Variants in PCDH15 observed in about 807,000 individuals in gnomAD.
The protein encoded by PCDH15 is protocadherin-15.
PCDH15 carries 129 observed loss-of-function variants against 178.5 expected under a neutral mutation model. The observed-to-expected ratio is 0.72, with a 90% CI of 0.63 to 0.84. The LOEUF (loss-of-function observed/expected upper bound fraction) is 0.84. Among genes scored for constraint, PCDH15 ranks in the 40% least tolerant of loss-of-function variants. PCDH15 has a pLI of 0.00. For missense variants in PCDH15, 2,230 were observed against 2,099.9 expected (o/e 1.06, Z -1.21); for synonymous variants, 800 against 732.0 (o/e 1.09, Z -1.50).
chr10:55,380,083 T>C (rs990939635), intron 2 of PCDH15, among the ~76,000 whole-genome samples: 35 of 152,082 alleles, frequency 2.3e-4, no homozygotes, highest in Non-Finnish European at 5.0e-4. Flanking sequence ...AAAATGACTG[T>C]GATCAGAGCC....
intron 5 of PCDH15, among the ~76,000 whole-genome samples, chr10:54,360,269 T>C (rs1489254883): frequency 1.3e-5 from 2 of 152,138 alleles, no homozygotes; most frequent in Non-Finnish European, 2.9e-5. Context: ...TTCCCCTCCC[T>C]AATTCCCATT....
At chr10:54,279,396 A>AAATATGTAGT (rs1281301353) in intron 8 of PCDH15, among the ~76,000 whole-genome samples, 1 of 151,658 alleles carries the variant, frequency 6.6e-6, no homozygotes, top group African/African-American at 2.4e-5. Flanking sequence ...AATAGTGCAC[A>AAATATGTAGT]AATATGTAGT....
chr10:55,025,325 T>C (rs1270387625), intron 2 of PCDH15, among the ~76,000 whole-genome samples: 1 of 152,198 alleles, frequency 6.6e-6, no homozygotes, highest in Non-Finnish European at 1.5e-5. Context: ...ATGTTCTTCT[T>C]TGTGTTCCCT....
At chr10:54,198,658 C>T (rs1207102276) in intron 10 of PCDH15, among the ~76,000 whole-genome samples, 1 of 121,332 alleles carries the variant, frequency 8.2e-6, no homozygotes, top group Non-Finnish European at 1.6e-5. Flanking sequence ...CCCGCCACTA[C>T]GCCCGGCTAA....
chr10:55,357,661 A>T (rs1845113565), intron 2 of PCDH15, among the ~76,000 whole-genome samples: 1 of 152,040 alleles, frequency 6.6e-6, no homozygotes. Flanking sequence ...TGTAGCATTA[A>T]TTTATTCTAT....
intron 18 of PCDH15, among the ~76,000 whole-genome samples, chr10:54,032,966 A>G (rs764942435): frequency 1.3e-5 from 2 of 151,836 alleles, no homozygotes; most frequent in African/African-American, 2.4e-5. Flanking sequence ...GAACTCACTC[A>G]CTGTCATAAG....
intron 18 of PCDH15, 73 bp downstream of exon 18, chr10:54,066,684 T>G: frequency 1.3e-6 from 2 of 1,491,994 alleles, no homozygotes; most frequent in Non-Finnish European, 1.9e-6. Context: ...GAGTTTCTTT[T>G]GAGAATTAAA....
intron 2 of PCDH15, among the ~76,000 whole-genome samples, chr10:55,584,223 G>A (rs1842679864): frequency 6.6e-6 from 1 of 151,906 alleles, no homozygotes; most frequent in Non-Finnish European, 1.5e-5. Context: ...CAGAGATGAA[G>A]TTTGCCTGAT....
At chr10:55,149,987 G>A (rs759440478) in intron 2 of PCDH15, among the ~76,000 whole-genome samples, 3 of 151,316 alleles carry the variant, frequency 2.0e-5, no homozygotes, top group African/African-American at 4.8e-5. Context: ...CCAACTTGGT[G>A]GGGGAGGGAG....
intron 2 of PCDH15, among the ~76,000 whole-genome samples, chr10:55,059,043 T>TAGAGCTGG (rs1165675623): frequency 6.6e-6 from 1 of 152,210 alleles, no homozygotes; most frequent in African/African-American, 2.4e-5. Flanking sequence ...AATCACGTTC[T>TAGAGCTGG]AGAGCTGGAG....
At position 54,830,828 on chromosome 10, in the gene PCDH15, A is replaced by G. The variant is rs540974979; in HGVS notation, c.-29+66622T>C. Reference sequence around the variant, plus strand: ...AACAGCAAGACATGCCATACATGTCAACACAGAGACAAAAAATATTCTGTA... The same window carrying G: ...AACAGCAAGACATGCCATACATGTCGACACAGAGACAAAAAATATTCTGTA... On this transcript the variant is annotated intron_variant, in intron 3 of 5. Transcript: ENST00000458638. Among the ~76,000 whole-genome samples, 84 of 152,202 alleles carry G rather than the reference A, an allele frequency of 5.5e-4. No homozygotes were observed. In the South Asian group the frequency reaches 0.01, roughly 19 times the overall value.
intron 2 of PCDH15, among the ~76,000 whole-genome samples, chr10:54,940,101 A>C (rs991269978): frequency 6.6e-6 from 1 of 152,092 alleles, no homozygotes. Flanking sequence ...CTTTTTTAAA[A>C]TGTATCAGTG....
intron 2 of PCDH15, among the ~76,000 whole-genome samples, chr10:55,045,700 A>G (rs1290214660): frequency 6.6e-6 from 1 of 152,086 alleles, no homozygotes; most frequent in African/African-American, 2.4e-5. Flanking sequence ...TGTGGCACAT[A>G]CAAATGAAAG....
intron 3 of PCDH15, among the ~76,000 whole-genome samples, chr10:54,854,123 C>G (rs1339580446): frequency 6.6e-6 from 1 of 152,148 alleles, no homozygotes; most frequent in Non-Finnish European, 1.5e-5. Context: ...ACGGGCAGCT[C>G]CTGATGCTAA....
intron 1 of PCDH15, among the ~76,000 whole-genome samples, chr10:54,678,507 G>C (rs2094833433): frequency 6.6e-6 from 1 of 151,880 alleles, no homozygotes; most frequent in Non-Finnish European, 1.5e-5. Flanking sequence ...CTTCCAATGA[G>C]GGTCCTTATA....
intron 1 of PCDH15, among the ~76,000 whole-genome samples, chr10:55,232,813 C>A (rs1478258401): frequency 6.6e-6 from 1 of 152,036 alleles, no homozygotes; most frequent in Admixed American, 6.6e-5. Flanking sequence ...ACGGATCCTG[C>A]CAACAATCAA....
intron 28 of PCDH15, among the ~76,000 whole-genome samples, chr10:53,840,700 G>C (rs187561623): frequency 4.1e-4 from 62 of 152,168 alleles, no homozygotes; most frequent in Non-Finnish European, 8.5e-4. Context: ...AGCTGAATAC[G>C]GTAGAAAAGG....
intron 2 of PCDH15, among the ~76,000 whole-genome samples, chr10:54,623,189 A>T (rs1171876796): frequency 1.3e-5 from 2 of 151,954 alleles, no homozygotes; most frequent in Non-Finnish European, 2.9e-5. Flanking sequence ...TTACAGCCTT[A>T]CTCATCAAAG....
intron 1 of PCDH15, among the ~76,000 whole-genome samples, chr10:54,727,711 A>T (rs1942771634): frequency 6.6e-6 from 1 of 151,454 alleles, no homozygotes; most frequent in East Asian, 1.9e-4. Flanking sequence ...AAAACATGAC[A>T]GAAGATCCAA....
Sources: gnomAD v4.1 joint callset for allele counts (sites outside exome capture counted in the v4.1 genomes callset) on GRCh38, gnomAD v4.1.1 for gene constraint, MANE v1.5 for transcripts, NCBI Gene and HGNC (gene_info 2026-07-23, HGNC 2026-07-21) for gene names.